RUNDC3B: variants seen among roughly 807,000 people sequenced by gnomAD.
RUNDC3B encodes the protein RUN domain-containing protein 3B.
In RUNDC3B, 33 loss-of-function variants were observed where a neutral mutation model predicts 58.4. The observed-to-expected ratio is 0.56, with a 90% CI of 0.43 to 0.75. The LOEUF (loss-of-function observed/expected upper bound fraction) is 0.75. Ranked by LOEUF, RUNDC3B falls within the 30% of genes least tolerant of loss-of-function variation. RUNDC3B has a pLI of 0.00. For synonymous variants in RUNDC3B, 193 were observed against 195.2 expected (o/e 0.99, Z 0.10); for missense variants, 501 against 535.7 (o/e 0.94, Z 0.64).
intron 8 of RUNDC3B, among the ~76,000 whole-genome samples, chr7:87,800,536 A>T (rs190311309): frequency 7.1e-4 from 108 of 152,262 alleles, no homozygotes; most frequent in African/African-American, 2.4e-3. Flanking sequence ...ATCATATGGT[A>T]ATTCTATTTT....
At chr7:87,656,067 A>G (rs1273394244) in intron 2 of RUNDC3B, among the ~76,000 whole-genome samples, 3 of 152,086 alleles carry the variant, frequency 2.0e-5, no homozygotes, top group Non-Finnish European at 2.9e-5. Context: ...CTCTAGAACT[A>G]TGAGAAATAA....
At chr7:87,828,900 C>G (rs904379601) in intron 10 of RUNDC3B, among the ~76,000 whole-genome samples, 1 of 152,128 alleles carries the variant, frequency 6.6e-6, no homozygotes, top group Non-Finnish European at 1.5e-5. Flanking sequence ...GCGTAGCAAC[C>G]CTTATATCAT....
chr7:87,628,625 G>GTGTGTGTGTGTGTGT lies in RUNDC3B; in HGVS notation c.-199_-198insTGTGTGTGTGTGTGT. 1 of 291,644 alleles carries GTGTGTGTGTGTGTGT rather than the reference G, an allele frequency of 3.4e-6. No homozygotes were observed. The highest frequency in any genetic ancestry group is 2.7e-5 in the African/African-American group (1 of 37,602). 18.1% of individuals were successfully genotyped at this position (291,644 alleles called of 1,614,324 possible). Reference sequence around the variant, plus strand: ...TGTGTGTGTGTGTGTGTGTGTGTGTGGAGCTCGGGTGCCAAGGGCGAGCCG... The same window carrying GTGTGTGTGTGTGTGT: ...TGTGTGTGTGTGTGTGTGTGTGTGTGTGTGTGTGTGTGTGTGAGCTCGGGTGCCAAGGGCGAGCCG... On this transcript the variant is annotated 5_prime_UTR_variant, in exon 1 of 11. Transcript: ENST00000394654.
intron 5 of RUNDC3B, among the ~76,000 whole-genome samples, chr7:87,740,929 G>A (rs1349988176): frequency 2.0e-5 from 3 of 152,106 alleles, no homozygotes; most frequent in Non-Finnish European, 4.4e-5. Context: ...ACAAGGCCAG[G>A]CGCGGTGGCT....
chr7:87,648,784 C>T (rs1823281299), intron 1 of RUNDC3B, among the ~76,000 whole-genome samples: 2 of 152,050 alleles, frequency 1.3e-5, no homozygotes, highest in East Asian at 1.9e-4. Context: ...ATAATTTTTA[C>T]TTAATTATAA....
chr7:87,709,763 A>G (rs553156883), intron 3 of RUNDC3B, among the ~76,000 whole-genome samples: 5 of 152,220 alleles, frequency 3.3e-5, no homozygotes, highest in South Asian at 4.2e-4. Context: ...TCAATTTTCT[A>G]TGTATTTAGT....
At chr7:87,725,059 C>A (rs1251254750) in intron 4 of RUNDC3B, among the ~76,000 whole-genome samples, 1 of 151,968 alleles carries the variant, frequency 6.6e-6, no homozygotes, top group Non-Finnish European at 1.5e-5. Context: ...ATTTTATAAG[C>A]CCTTGAAGTA....
chr7:87,665,683 C>G (rs1473274490), intron 2 of RUNDC3B, among the ~76,000 whole-genome samples: 1 of 152,012 alleles, frequency 6.6e-6, no homozygotes, highest in Non-Finnish European at 1.5e-5. Context: ...TGATCCTCTC[C>G]TTCCTCTCAC....
intron 4 of RUNDC3B, among the ~76,000 whole-genome samples, chr7:87,714,222 G>A (rs192584156): frequency 1.6e-4 from 24 of 152,216 alleles, no homozygotes; most frequent in Admixed American, 6.5e-5. Flanking sequence ...TAGGCGGATC[G>A]GCAGGTTGAG....
intron 2 of RUNDC3B, among the ~76,000 whole-genome samples, chr7:87,678,393 T>C (rs984361819): frequency 6.6e-6 from 1 of 152,234 alleles, no homozygotes; most frequent in Non-Finnish European, 1.5e-5. Context: ...GTTGAAATGC[T>C]AAAATGTTAA....
At chr7:87,642,127 TATAGTTA>T (rs1822521413) in intron 1 of RUNDC3B, among the ~76,000 whole-genome samples, 1 of 151,896 alleles carries the variant, frequency 6.6e-6, no homozygotes, top group Non-Finnish European at 1.5e-5. Context: ...AGATTTATTT[TATAGTTA>T]AGGCTAACAT....
chr7:87,827,054 A>G (rs970346511), intron 10 of RUNDC3B, among the ~76,000 whole-genome samples: 11 of 152,256 alleles, frequency 7.2e-5, no homozygotes, highest in Non-Finnish European at 1.2e-4. Flanking sequence ...TATCAAAAGA[A>G]ATTAATGAAA....
chr7:87,695,593 T>A (rs1392414860), intron 2 of RUNDC3B, among the ~76,000 whole-genome samples: 1 of 152,078 alleles, frequency 6.6e-6, no homozygotes, highest in Non-Finnish European at 1.5e-5. Context: ...GTCAAGTAGG[T>A]GATATATTTT....
chr7:87,810,779 C>A (rs1309859038), intron 9 of RUNDC3B, among the ~76,000 whole-genome samples: 2 of 152,092 alleles, frequency 1.3e-5, no homozygotes, highest in Admixed American at 1.3e-4. Context: ...GATTTTATAT[C>A]TTTTCCTATA....
At chr7:87,799,892 A>C (rs898737822) in intron 8 of RUNDC3B, among the ~76,000 whole-genome samples, 14 of 151,852 alleles carry the variant, frequency 9.2e-5, no homozygotes, top group Admixed American at 2.6e-4. Context: ...TCTCAAAAAA[A>C]AAAAAAAAAA....
intron 10 of RUNDC3B, among the ~76,000 whole-genome samples, chr7:87,818,259 G>A (rs1308211831): frequency 6.6e-6 from 1 of 152,116 alleles, no homozygotes; most frequent in African/African-American, 2.4e-5. Context: ...AAAAACAACT[G>A]TATTGTCTTC....
At chr7:87,729,449 A>T (rs1831448919) in intron 4 of RUNDC3B, among the ~76,000 whole-genome samples, 1 of 152,178 alleles carries the variant, frequency 6.6e-6, no homozygotes, top group Non-Finnish European at 1.5e-5. Flanking sequence ...TAATTGTGCG[A>T]CTTGACGTTG....
chr7:87,821,875 T>C (rs530444655), intron 10 of RUNDC3B, among the ~76,000 whole-genome samples: 1 of 152,262 alleles, frequency 6.6e-6, no homozygotes, highest in South Asian at 2.1e-4. Context: ...CCTTACACCT[T>C]ATACAAAAAT....
rs1383727520 is a variant in RUNDC3B, at chr7:87,830,345, T to G, written c.*315T>G. The G allele has an allele frequency of 5.9e-6, 1 of 169,554 alleles. No homozygotes were observed. The highest frequency in any genetic ancestry group is 1.3e-5 in the Non-Finnish European group (1 of 79,886). The allele number at this position is 169,554 out of a possible 1,614,324, so 10.5% of individuals were successfully genotyped here. A position where few individuals can be genotyped will look rare whatever the true frequency, so the allele number is the denominator to read the frequency against. Reference sequence around the variant, plus strand: ...TATTGTTCAGCTGATTTTTATATATTTAAATACACCTTAGTGGCCAGAGAC... The same window carrying G: ...TATTGTTCAGCTGATTTTTATATATGTAAATACACCTTAGTGGCCAGAGAC... On this transcript the variant is annotated 3_prime_UTR_variant, in exon 11 of 11. Transcript: ENST00000394654.
Sources: allele counts gnomAD v4.1 joint callset (sites outside exome capture counted in the v4.1 genomes callset), GRCh38; gene constraint gnomAD v4.1.1; transcripts MANE v1.5; gene names NCBI Gene and HGNC (gene_info 2026-07-23, HGNC 2026-07-21).